Variants in LRRIQ1 observed in about 807,000 individuals in gnomAD.
LRRIQ1 encodes the protein leucine rich repeats and IQ motif containing 1, also known as leucine-rich repeat- and IQ domain-containing protein 1.
In LRRIQ1, 210 loss-of-function variants were observed where a neutral mutation model predicts 211.9. The ratio of observed to expected loss-of-function variants is 0.99; its 90% CI spans 0.89 to 1.11. LRRIQ1 has a LOEUF of 1.11. Ranked by LOEUF, LRRIQ1 falls within the 50% of genes most tolerant of loss-of-function variation. The pLI is 0.00. For missense variants in LRRIQ1, 2,136 were observed against 1,939.5 expected, an observed-to-expected ratio of 1.10 and a Z score of -1.90; for synonymous variants, 699 against 650.1, an observed-to-expected ratio of 1.08 and a Z score of -1.14.
intron 24 of LRRIQ1, among the ~76,000 whole-genome samples, chr12:85,222,184 T>C (rs758930247): frequency 6.6e-6 from 1 of 152,196 alleles, no homozygotes; most frequent in Admixed American, 6.5e-5. Context: ...GCTTGAAGTA[T>C]CTGTTGGATA....
At chr12:85,176,646 G>T (rs1322730479) in intron 24 of LRRIQ1, among the ~76,000 whole-genome samples, 1 of 150,010 alleles carries the variant, frequency 6.7e-6, no homozygotes, top group Non-Finnish European at 1.5e-5. Flanking sequence ...AATGCTAGAT[G>T]ACGAGTTAGT....
At chr12:85,210,169 A>G (rs1893769186) in intron 24 of LRRIQ1, among the ~76,000 whole-genome samples, 3 of 152,216 alleles carry the variant, frequency 2.0e-5, no homozygotes, top group Non-Finnish European at 4.4e-5. Context: ...GAAAATGACA[A>G]AGCACAATAA....
At chr12:85,181,763 T>G (rs893647688) in intron 24 of LRRIQ1, among the ~76,000 whole-genome samples, 4 of 151,990 alleles carry the variant, frequency 2.6e-5, no homozygotes, top group Non-Finnish European at 4.4e-5. Flanking sequence ...GTGAGGAATC[T>G]GCACATGTAC....
chr12:85,169,328 A>G (rs1891299719), intron 24 of LRRIQ1, among the ~76,000 whole-genome samples: 1 of 152,138 alleles, frequency 6.6e-6, no homozygotes, highest in Non-Finnish European at 1.5e-5. Flanking sequence ...ACTAAATAAA[A>G]TTGAAATGTA....
At chr12:85,047,724 T>C (rs1234514378) in intron 6 of LRRIQ1, 1 of 348,518 alleles carries the variant, frequency 2.9e-6, no homozygotes, top group East Asian at 5.7e-5. Flanking sequence ...AGGGTCATCA[T>C]GGATAGCCTG....
chr12:85,068,919 T>C lies in LRRIQ1; in HGVS notation c.2695+2021T>C, dbSNP rs547001303. Among the ~76,000 whole-genome samples the C allele has an allele frequency of 1.3e-4, 20 of 149,724 alleles. 2 individuals are homozygous for C. Among genetic ancestry groups the C allele is most frequent in the African/African-American group, 4.9e-4 (20 of 40,488 alleles). On this transcript the variant is annotated intron_variant, in intron 10 of 26. Transcript: ENST00000393217. ...TTGTTTCATTAAGCCCTGTATTTTC[T>C]TATTTATTTATTTATTTATTTAATT...
At position 85,140,127 on chromosome 12, in the gene LRRIQ1, A is replaced by C. The variant is rs1266785407; in HGVS notation, c.4329+2158A>C. On this transcript the variant is annotated intron_variant, in intron 19 of 26. Coordinates refer to ENST00000393217, the MANE Select transcript of LRRIQ1 (RefSeq NM_001079910.2). ...ACTTTCTATTCTAAATTTATCTCCA[A>C]TGTTTTTCAAAACTGAATTTAATTT... Among the ~76,000 whole-genome samples, 6 of 151,414 alleles carry C rather than the reference A, an allele frequency of 4.0e-5. No homozygotes were observed. In the Middle Eastern group the frequency reaches 0.01, roughly 258 times the overall value.
downstream of LRRIQ1, among the ~76,000 whole-genome samples, chr12:85,266,033 C>T (rs1002906520): frequency 2.6e-5 from 4 of 152,010 alleles, no homozygotes; most frequent in African/African-American, 9.7e-5. Context: ...AATAACCCTC[C>T]ATTGTGGTTC....
At position 85,244,937 on chromosome 12, in the gene LRRIQ1, T is replaced by C. The variant is rs755808279; in HGVS notation, c.5165T>C (p.Ile1722Thr). ...SSKLWFPSKL[I>T] ...AAGTTGTGGTTTCCTTCAAAATTAA[T>C]TTAGAAATCACAAACGAATTGATGG... The change falls in exon 27 of 27, where the codon ATT (isoleucine) becomes ACT (threonine). Residue 1722 changes from isoleucine to threonine, a missense_variant. Coordinates refer to ENST00000393217, the MANE Select transcript of LRRIQ1 (RefSeq NM_001079910.2). 6.2e-7 allele frequency: 1 copy of C among 1,609,824 alleles called. No individual in the cohort carries two copies. Among genetic ancestry groups the C allele is most frequent in the Non-Finnish European group, 8.5e-7 (1 of 1,177,480 alleles).
Position 85,250,957 on chromosome 12 carries a change from ATATAT to A in LRRIQ1, c.121+6059_121+6063del, listed in dbSNP as rs1221916183. Among the ~76,000 whole-genome samples the A allele has an allele frequency of 2.6e-3, 240 of 93,154 alleles. 1 individual carries two copies. The highest frequency in any genetic ancestry group is 0.013 in the African/African-American group (190 of 14,114). The allele number at this position is 93,154 out of a possible 152,430, so 61.1% of individuals were successfully genotyped here. On this transcript the variant is annotated intron_variant, in intron 1 of 1. Transcript: ENST00000602731. ...TTATATATAATATATTTTATATATT[ATATAT>A]TATATTATATATATTATAGATTATA...
At chr12:85,131,734 C>T (rs550548332) in intron 18 of LRRIQ1, among the ~76,000 whole-genome samples, 2 of 151,922 alleles carry the variant, frequency 1.3e-5, no homozygotes, top group Non-Finnish European at 2.9e-5. Flanking sequence ...TAGTATGCTA[C>T]AGGGGGTAAG....
At chr12:85,253,714 A>C (rs144014212) in intron 1 of LRRIQ1, among the ~76,000 whole-genome samples, 1 of 151,878 alleles carries the variant, frequency 6.6e-6, no homozygotes, top group African/African-American at 2.4e-5. Context: ...ACACAAATGG[A>C]CACACACACA....
chr12:85,197,525 G>A (rs1892989761), intron 24 of LRRIQ1, among the ~76,000 whole-genome samples: 1 of 150,484 alleles, frequency 6.6e-6, no homozygotes, highest in Non-Finnish European at 1.5e-5. Flanking sequence ...CATGTCATTT[G>A]TAGGGACATG....
chr12:85,115,010 T>C (rs757209590), intron 15 of LRRIQ1, among the ~76,000 whole-genome samples: 1 of 152,198 alleles, frequency 6.6e-6, no homozygotes, highest in Non-Finnish European at 1.5e-5. Flanking sequence ...AATGCTGATG[T>C]ACTAAAAAAA....
downstream of LRRIQ1, among the ~76,000 whole-genome samples, chr12:85,247,935 C>T (rs1305631226): frequency 6.6e-6 from 1 of 151,618 alleles, no homozygotes; most frequent in African/African-American, 2.4e-5. Flanking sequence ...AAGCAGTCTT[C>T]TGCTATCTAA....
At position 85,045,960 on chromosome 12, in the gene LRRIQ1, C is replaced by T. The variant is rs529035839; in HGVS notation, c.337-60C>T. 75 of 901,024 alleles carry T rather than the reference C, an allele frequency of 8.3e-5. No individual in the cohort carries two copies. The African/African-American group carries it at 9.5e-4, about 11-fold the overall frequency. The allele number at this position is 901,024 out of a possible 1,614,324, so 55.8% of individuals were successfully genotyped here. On this transcript the variant is annotated intron_variant, in intron 4 of 26. Coordinates refer to ENST00000393217, the MANE Select transcript of LRRIQ1 (RefSeq NM_001079910.2). ...ATAAATATTTAATGTATTATTAAAACGACAGCTTTACTCTCTATTTTGATT... is the reference window on the plus strand; with the variant it reads ...ATAAATATTTAATGTATTATTAAAATGACAGCTTTACTCTCTATTTTGATT...
At chr12:85,067,543 T>TTTTA (rs1446526209) in intron 10 of LRRIQ1, among the ~76,000 whole-genome samples, 6 of 151,732 alleles carry the variant, frequency 4.0e-5, no homozygotes, top group African/African-American at 1.2e-4. Flanking sequence ...ATCTTTTATT[T>TTTTA]TTTATTTATT....
chr12:85,066,821 T>C lies in LRRIQ1; in HGVS notation c.2618T>C (p.Leu873Pro), dbSNP rs1257788084. 1.3e-6 allele frequency: 2 copies of C among 1,596,480 alleles called. No individual in the cohort carries two copies. Among genetic ancestry groups the C allele is most frequent in the East Asian group, 4.5e-5 (2 of 44,120 alleles). The change falls in exon 10 of 27, where the codon CTG becomes CCG. Residue 873 changes from leucine (L) to proline (P), a missense_variant. Coordinates refer to ENST00000393217, the MANE Select transcript of LRRIQ1 (RefSeq NM_001079910.2). ...LCVVLLNKNQ[L>P]TSLHGLDGCT... Reference sequence around the variant, plus strand: ...GTTGTTCTTCTTAATAAAAATCAACTGACTTCTCTTCATGGTTTGGATGGC... The same window carrying C: ...GTTGTTCTTCTTAATAAAAATCAACCGACTTCTCTTCATGGTTTGGATGGC...
chr12:85,223,475 CA>C (rs1166198736), intron 24 of LRRIQ1, among the ~76,000 whole-genome samples: 1 of 152,134 alleles, frequency 6.6e-6, no homozygotes, highest in African/African-American at 2.4e-5. Flanking sequence ...AAGCCAGTTT[CA>C]GGCCATTTTA....
Sources: gnomAD v4.1 joint callset for allele counts (sites outside exome capture counted in the v4.1 genomes callset) on GRCh38, gnomAD v4.1.1 for gene constraint, MANE v1.5 for transcripts, NCBI Gene and HGNC (gene_info 2026-07-23, HGNC 2026-07-21) for gene names.